LANCL2: variants seen among roughly 807,000 people sequenced by gnomAD.
The protein encoded by LANCL2 is LanC like glutathione S-transferase 2.
A neutral mutation model predicts 56.9 loss-of-function variants in LANCL2; 33 were observed. The observed-to-expected ratio is 0.58, with a 90% CI of 0.44 to 0.78. The LOEUF is 0.78. LANCL2 is among the 30% of genes least tolerant of loss of function. The pLI, the probability that LANCL2 is intolerant of heterozygous loss-of-function variation, is 0.00. For synonymous variants in LANCL2, 233 were observed against 228.2 expected, an observed-to-expected ratio of 1.02 and a Z score of -0.19; for missense variants, 562 against 580.2, an observed-to-expected ratio of 0.97 and a Z score of 0.32.
intron 6 of LANCL2, among the ~76,000 whole-genome samples, chr7:55,419,919 C>T: frequency 6.6e-6 from 1 of 151,944 alleles, no homozygotes; most frequent in East Asian, 1.9e-4. Context: ...TTTTGGAGGC[C>T]AAGGTGGAGG....
chr7:55,404,530 T>C (rs1044278618), intron 5 of LANCL2, among the ~76,000 whole-genome samples: 2 of 152,186 alleles, frequency 1.3e-5, no homozygotes, highest in Non-Finnish European at 2.9e-5. Flanking sequence ...ATTAAAACTT[T>C]TTCTAGTTAT....
intron 4 of LANCL2, among the ~76,000 whole-genome samples, chr7:55,400,673 A>G (rs1430819300): frequency 6.6e-6 from 1 of 152,222 alleles, no homozygotes; most frequent in African/African-American, 2.4e-5. Flanking sequence ...TACTTTCCCA[A>G]AAAGGATGAG....
chr7:55,379,691 G>T (rs4948019), intron 1 of LANCL2: 1 of 152,622 alleles, frequency 6.6e-6, no homozygotes, highest in African/African-American at 2.4e-5. Flanking sequence ...TTACTAACAT[G>T]GAGTCAAAAA....
intron 5 of LANCL2, among the ~76,000 whole-genome samples, chr7:55,408,827 C>T (rs190170935): frequency 4.5e-4 from 68 of 150,806 alleles, no homozygotes; most frequent in African/African-American, 6.8e-4. Flanking sequence ...AAACATTAGA[C>T]GGGAAATAGC....
At chr7:55,399,620 G>A (rs557368521) in intron 3 of LANCL2, among the ~76,000 whole-genome samples, 1 of 152,266 alleles carries the variant, frequency 6.6e-6, no homozygotes, top group East Asian at 1.9e-4. Flanking sequence ...TGGGATTATA[G>A]GCGTGAGCCA....
At chr7:55,412,124 T>A (rs1022892737) in intron 6 of LANCL2, 35 bp downstream of exon 6, 1 of 1,577,016 alleles carries the variant, frequency 6.3e-7, no homozygotes, top group Non-Finnish European at 8.6e-7. Flanking sequence ...GTCCCCTGTG[T>A]GGGGAGCCAG....
intron 6 of LANCL2, among the ~76,000 whole-genome samples, chr7:55,418,526 G>A (rs181129745): frequency 5.1e-4 from 78 of 152,260 alleles, no homozygotes; most frequent in East Asian, 3.9e-4. Flanking sequence ...CTAAATTCAC[G>A]TATCAGTTCT....
chr7:55,403,896 C>T (rs1383800796), intron 5 of LANCL2, among the ~76,000 whole-genome samples: 1 of 152,088 alleles, frequency 6.6e-6, no homozygotes, highest in Non-Finnish European at 1.5e-5. Context: ...CTGTGCTTGT[C>T]TTCCTGTTAA....
chr7:55,408,538 G>A (rs111443070), intron 5 of LANCL2, among the ~76,000 whole-genome samples: 2 of 152,138 alleles, frequency 1.3e-5, no homozygotes, highest in African/African-American at 2.4e-5. Context: ...GCCTCATAGC[G>A]GGCACCTGCA....
chr7:55,365,875 G>A lies in LANCL2; in HGVS notation c.-151G>A, dbSNP rs1419504905. On this transcript the variant is annotated 5_prime_UTR_variant, in exon 1 of 9. Coordinates refer to ENST00000254770, the MANE Select transcript of LANCL2 (RefSeq NM_018697.4). ...AGCAGCCCGCGACGAGGCAGTGCAC[G>A]CTCAGACGCCCCGCTCCTCCCGCCA... 3 of 546,528 alleles carry A rather than the reference G, an allele frequency of 5.5e-6. No individual in the cohort carries two copies. Among genetic ancestry groups the A allele is most frequent in the African/African-American group, 4.0e-5 (2 of 49,834 alleles). The allele number at this position is 546,528 out of a possible 1,614,324, so 33.9% of individuals were successfully genotyped here. A position where few individuals can be genotyped will look rare whatever the true frequency, so the allele number is the denominator to read the frequency against.
At position 55,425,216 on chromosome 7, in the gene LANCL2, CTG is replaced by C. The variant is rs764361339; in HGVS notation, c.1009-36_1009-35del. 4 of 1,592,574 alleles carry C rather than the reference CTG, an allele frequency of 2.5e-6. No individual in the cohort carries two copies. In the East Asian group the frequency reaches 9.0e-5, roughly 36 times the overall value. On this transcript the variant is annotated intron_variant, in intron 6 of 8. Coordinates refer to ENST00000254770, the MANE Select transcript of LANCL2 (RefSeq NM_018697.4). ...GTATTTTGCCAACTCATCGTTGAAA[CTG>C]TCTTTTTAACACTGCTTTGTTTTTA... is the stretch of plus-strand genomic sequence containing the variant.
chr7:55,383,539 A>G (rs946967903), intron 1 of LANCL2, among the ~76,000 whole-genome samples: 1 of 152,150 alleles, frequency 6.6e-6, no homozygotes, highest in African/African-American at 2.4e-5. Flanking sequence ...TCTAGTTTTT[A>G]ATCCACATTA....
chr7:55,397,203 T>C (rs1790263554), intron 2 of LANCL2: 1 of 152,204 alleles, frequency 6.6e-6, no homozygotes, highest in South Asian at 2.1e-4. Context: ...GGTTCACGCC[T>C]GTTAATCCCA....
At chr7:55,368,384 G>A (rs886913160) in intron 1 of LANCL2, among the ~76,000 whole-genome samples, 24 of 152,188 alleles carry the variant, frequency 1.6e-4, no homozygotes, top group African/African-American at 5.3e-4. Flanking sequence ...CTATGCCAGT[G>A]GTTGTGAGTA....
chr7:55,375,186 C>T (rs1164736004), intron 1 of LANCL2, among the ~76,000 whole-genome samples: 1 of 152,162 alleles, frequency 6.6e-6, no homozygotes, highest in African/African-American at 2.4e-5. Flanking sequence ...TAGTTAAGAT[C>T]ATCATAATTT....
At chr7:55,422,213 T>G (rs1204420420) in intron 6 of LANCL2, among the ~76,000 whole-genome samples, 14 of 152,258 alleles carry the variant, frequency 9.2e-5, no homozygotes, top group Non-Finnish European at 2.1e-4. Flanking sequence ...AGTATAGGTT[T>G]AGTGACAACA....
At chr7:55,384,175 A>C (rs1434538949) in intron 1 of LANCL2, among the ~76,000 whole-genome samples, 1 of 152,238 alleles carries the variant, frequency 6.6e-6, no homozygotes, top group East Asian at 1.9e-4. Context: ...GAATCATAGA[A>C]GGGAAGCAGA....
Position 55,398,641 on chromosome 7 carries a change from G to C in LANCL2, c.530+11G>C. The C allele has an allele frequency of 6.2e-7, 1 of 1,600,982 alleles. No homozygotes were observed. On this transcript the variant is annotated intron_variant, in intron 3 of 8. Coordinates refer to ENST00000254770, the MANE Select transcript of LANCL2 (RefSeq NM_018697.4). ...GGAATGTGTCACAAAGTGAGTTTTA[G>C]AACTGGAAACATTTTCTCCCAATTC...
At chr7:55,386,243 G>T (rs58143337) in intron 1 of LANCL2, among the ~76,000 whole-genome samples, 3,631 of 152,306 alleles carry the variant, frequency 0.024, 144 homozygotes, top group African/African-American at 0.08. Context: ...AAATCACAAG[G>T]ATATTGATTG....
Sources: gnomAD v4.1 joint callset for allele counts (sites outside exome capture counted in the v4.1 genomes callset) on GRCh38, gnomAD v4.1.1 for gene constraint, MANE v1.5 for transcripts, NCBI Gene and HGNC (gene_info 2026-07-23, HGNC 2026-07-21) for gene names.